The following EEFSEC variants were observed in gnomAD, a reference collection of about 807,000 sequenced individuals.
The protein encoded by EEFSEC is eukaryotic elongation factor, selenocysteine-tRNA specific, also known as selenocysteine-specific elongation factor.
EEFSEC carries 43 observed loss-of-function variants against 42.1 expected under a neutral mutation model. That is an observed-to-expected ratio of 1.02 (90% CI 0.80 to 1.32). EEFSEC has a LOEUF of 1.32. EEFSEC is among the 40% of genes most tolerant of loss of function. The pLI, the probability that EEFSEC is intolerant of heterozygous loss-of-function variation, is 0.00. For synonymous variants in EEFSEC, 354 were observed against 339.1 expected, an observed-to-expected ratio of 1.04 and a Z score of -0.48; for missense variants, 745 against 803.6, an observed-to-expected ratio of 0.93 and a Z score of 0.88.
At chr3:128,371,084 T>A (rs1386357924) in intron 6 of EEFSEC, among the ~76,000 whole-genome samples, 1 of 152,230 alleles carries the variant, frequency 6.6e-6, no homozygotes, top group Non-Finnish European at 1.5e-5. Context: ...ACTCCTTTGA[T>A]ATATATAAAA....
chr3:128,237,913 C>G (rs1244710753), intron 1 of EEFSEC, among the ~76,000 whole-genome samples: 1 of 152,222 alleles, frequency 6.6e-6, no homozygotes, highest in Non-Finnish European at 1.5e-5. Flanking sequence ...TCCTCAGGGC[C>G]TTGCCCACCT....
chr3:128,412,411 T>G (rs1275843276), downstream of EEFSEC, among the ~76,000 whole-genome samples: 1 of 152,224 alleles, frequency 6.6e-6, no homozygotes, highest in East Asian at 1.9e-4. Flanking sequence ...CCAGCCCCGC[T>G]GACAGCCTCC....
chr3:128,320,106 T>G (rs2066990912), intron 4 of EEFSEC, among the ~76,000 whole-genome samples: 1 of 152,248 alleles, frequency 6.6e-6, no homozygotes, highest in Non-Finnish European at 1.5e-5. Context: ...AATAAAGCAC[T>G]GCAATGGCAG....
intron 6 of EEFSEC, among the ~76,000 whole-genome samples, chr3:128,380,188 A>G (rs1262218402): frequency 6.6e-6 from 1 of 152,228 alleles, no homozygotes; most frequent in Non-Finnish European, 1.5e-5. Context: ...CCCACTGGAC[A>G]AGAGCCGAGG....
intron 1 of EEFSEC, among the ~76,000 whole-genome samples, chr3:128,154,326 TA>T (rs1203978119): frequency 6.6e-6 from 1 of 152,214 alleles, no homozygotes; most frequent in East Asian, 1.9e-4. Context: ...CTCATCCTTT[TA>T]GACACGATTT....
intron 1 of EEFSEC, among the ~76,000 whole-genome samples, chr3:128,162,298 A>G (rs1264961650): frequency 1.3e-5 from 2 of 152,170 alleles, no homozygotes; most frequent in African/African-American, 4.8e-5. Flanking sequence ...TCTACCACCA[A>G]CTAAAGCTGA....
At chr3:128,246,247 C>T (rs1199965840) in intron 1 of EEFSEC, among the ~76,000 whole-genome samples, 1 of 152,012 alleles carries the variant, frequency 6.6e-6, no homozygotes, top group Admixed American at 6.5e-5. Flanking sequence ...CACACACACA[C>T]ACACGCACAC....
At position 128,341,418 on chromosome 3, in the gene EEFSEC, T is replaced by C. The variant is rs1427753289; in HGVS notation, c.972T>C (p.Tyr324=). 2.5e-6 allele frequency: 4 copies of C among 1,614,048 alleles called. No individual in the cohort carries two copies. The highest frequency in any genetic ancestry group is 2.5e-6 in the Non-Finnish European group (3 of 1,180,046). ...AALISVEKIP[Y]FRGPLQTKAK... The stretch of plus-strand genomic sequence containing the variant: ...TCATCTCTGTGGAAAAGATACCGTA[T>C]TTCCGGGGGCCCCTGCAAACCAAGG... Residue 324 remains tyrosine, a synonymous_variant, in exon 5 of 7, where the codon TAT becomes TAC. Transcript: ENST00000254730.
At chr3:128,229,273 G>A (rs1230974686) in intron 1 of EEFSEC, among the ~76,000 whole-genome samples, 3 of 152,188 alleles carry the variant, frequency 2.0e-5, no homozygotes, top group African/African-American at 7.2e-5. Context: ...GCCTCTGCAC[G>A]GCCTTTTCAT....
chr3:128,339,211 C>A (rs779076888), intron 4 of EEFSEC, among the ~76,000 whole-genome samples: 2 of 152,182 alleles, frequency 1.3e-5, no homozygotes, highest in Non-Finnish European at 2.9e-5. Context: ...ACTTTCTCTG[C>A]CCCCTGACCT....
intron 4 of EEFSEC, among the ~76,000 whole-genome samples, chr3:128,312,626 G>A (rs1036557603): frequency 2.3e-4 from 35 of 152,224 alleles, no homozygotes; most frequent in African/African-American, 8.4e-4. Flanking sequence ...TTGAGAGATG[G>A]GTGGGCCACC....
chr3:128,268,194 C>T (rs999762456), intron 4 of EEFSEC, among the ~76,000 whole-genome samples: 4 of 152,132 alleles, frequency 2.6e-5, no homozygotes, highest in South Asian at 4.2e-4. Flanking sequence ...TTTTTTCCAC[C>T]GTCTCCCTTT....
At chr3:128,245,412 C>T (rs576134000) in intron 1 of EEFSEC, among the ~76,000 whole-genome samples, 8 of 152,332 alleles carry the variant, frequency 5.3e-5, no homozygotes, top group Admixed American at 5.2e-4. Context: ...CCCTCCTGCC[C>T]CTTGACCTGG....
At position 128,318,577 on chromosome 3, in the gene EEFSEC, C is replaced by G. The variant is rs1232601349; in HGVS notation, c.787-22656C>G. Among the ~76,000 whole-genome samples the G allele has an allele frequency of 2.6e-5, 4 of 152,182 alleles. No individual in the cohort carries two copies. In the East Asian group the frequency reaches 7.7e-4, roughly 29 times the overall value. Reference sequence around the variant, plus strand: ...AGAGACCCAGTTAGAAATGGCGGGCCCCTCCCTAACCTCTCCACAGCCATT... The same window carrying G: ...AGAGACCCAGTTAGAAATGGCGGGCGCCTCCCTAACCTCTCCACAGCCATT... On this transcript the variant is annotated intron_variant, in intron 4 of 6. Transcript: ENST00000254730.
intron 6 of EEFSEC, among the ~76,000 whole-genome samples, chr3:128,390,117 C>T (rs1365299325): frequency 2.0e-5 from 3 of 152,212 alleles, no homozygotes; most frequent in East Asian, 3.8e-4. Context: ...AAGTGCTTTG[C>T]CTCATGAACA....
chr3:128,278,625 A>G (rs2066492253), intron 4 of EEFSEC, among the ~76,000 whole-genome samples: 1 of 152,254 alleles, frequency 6.6e-6, no homozygotes. Context: ...GCCTCTGGCT[A>G]GAAAAGAAAA....
chr3:128,336,591 C>T (rs1018622365), intron 4 of EEFSEC, among the ~76,000 whole-genome samples: 2 of 152,156 alleles, frequency 1.3e-5, no homozygotes, highest in Non-Finnish European at 2.9e-5. Context: ...CTTCCCCTGC[C>T]CAGGGCCTTA....
chr3:128,353,444 G>T (rs1161282957), intron 5 of EEFSEC, among the ~76,000 whole-genome samples: 2 of 152,044 alleles, frequency 1.3e-5, no homozygotes, highest in Non-Finnish European at 2.9e-5. Flanking sequence ...GCCAGGATCT[G>T]CCCTCTTTCC....
intron 5 of EEFSEC, 98 bp downstream of exon 5, chr3:128,341,987 C>G: frequency 1.4e-6 from 2 of 1,455,272 alleles, no homozygotes; most frequent in Non-Finnish European, 1.8e-6. Flanking sequence ...GAAAGGCCCT[C>G]AGAGACCTTC....
Sources: allele counts gnomAD v4.1 joint callset (sites outside exome capture counted in the v4.1 genomes callset), GRCh38; gene constraint gnomAD v4.1.1; transcripts MANE v1.5; gene names NCBI Gene and HGNC (gene_info 2026-07-23, HGNC 2026-07-21).